CLK3: variants seen among roughly 807,000 people sequenced by gnomAD.
The protein encoded by CLK3 is dual specificity protein kinase CLK3.
In CLK3, 24 loss-of-function variants were observed where a neutral mutation model predicts 65.2. The observed-to-expected ratio is 0.37, with a 90% CI of 0.27 to 0.52. The LOEUF (loss-of-function observed/expected upper bound fraction) is 0.52, where lower values mean the gene tolerates loss of function less well. Among genes scored for constraint, CLK3 ranks in the 20% least tolerant of loss-of-function variants. CLK3 has a pLI of 0.92. For missense variants in CLK3, 506 were observed against 660.0 expected (o/e 0.77, Z 2.56); for synonymous variants, 252 against 240.8 (o/e 1.05, Z -0.43).
At chr15:74,620,405 C>A in intron 3 of CLK3, 180 bp downstream of exon 3, 1 of 840,538 alleles carries the variant, frequency 1.2e-6, no homozygotes, top group Non-Finnish European at 1.8e-6. Flanking sequence ...GGGTCCTGGC[C>A]TCTGTGTCTT....
upstream of CLK3, chr15:74,615,440 G>A (rs773293878): frequency 3.8e-5 from 49 of 1,274,402 alleles, no homozygotes; most frequent in Non-Finnish European, 4.1e-5. Flanking sequence ...CGCGCTCTCC[G>A]GGGCCCCGAG....
In CLK3 at chr15:74,624,713, A is replaced by G. The variant is rs2141547772; in HGVS notation, c.534-189A>G. Reference sequence around the variant, plus strand: ...CTAAGAGCATTAACTCACAGATCTCAGGGAGCTTGCTGTTGGGTGGGCAAA... The same window carrying G: ...CTAAGAGCATTAACTCACAGATCTCGGGGAGCTTGCTGTTGGGTGGGCAAA... On this transcript the variant is annotated intron_variant, in intron 5 of 12. Coordinates refer to ENST00000395066, the MANE Select transcript of CLK3 (RefSeq NM_001130028.2). This position sits in a 1 kb window ranked among gnomAD's most constrained non-coding sequence, Gnocchi z 4.2. 13 of 605,998 alleles carry G rather than the reference A, an allele frequency of 2.1e-5. No individual in the cohort carries two copies. In the South Asian group the frequency reaches 2.4e-4, roughly 11 times the overall value. 37.5% of individuals were successfully genotyped at this position (605,998 alleles called of 1,614,324 possible).
chr15:74,613,897 G>A (rs561613939), upstream of CLK3, among the ~76,000 whole-genome samples: 3 of 152,120 alleles, frequency 2.0e-5, no homozygotes, highest in African/African-American at 7.2e-5. Context: ...TGGGTACCAG[G>A]CAGGAATGGC....
chr15:74,612,794 G>A (rs1179922669), upstream of CLK3, among the ~76,000 whole-genome samples: 1 of 152,176 alleles, frequency 6.6e-6, no homozygotes, highest in Non-Finnish European at 1.5e-5. Flanking sequence ...AGGACTGGCC[G>A]CTGCCCCCAC....
rs893347761 is a variant in CLK3 at position 74,622,656 on chromosome 15, C to CT, written c.533+102dup. 26 of 961,372 alleles carry CT rather than the reference C, an allele frequency of 2.7e-5. No homozygotes were observed. Among genetic ancestry groups the CT allele is most frequent in the Non-Finnish European group, 3.8e-5 (25 of 650,648 alleles). The allele number at this position is 961,372 out of a possible 1,614,324, so 59.6% of individuals were successfully genotyped here. A position where few individuals can be genotyped will look rare whatever the true frequency, so the allele number is the denominator to read the frequency against. On this transcript the variant is annotated intron_variant, in intron 5 of 12. Transcript: ENST00000395066. This position sits in a 1 kb window ranked among gnomAD's most constrained non-coding sequence, Gnocchi z 4.6. ...GAGGGTGGCAGCTATCAGAGCTTAA[C>CT]TTTTTTCTTTTTGAAGGGTGGCATC...
intron 1 of CLK3, among the ~76,000 whole-genome samples, chr15:74,617,159 G>A (rs2062067137): frequency 6.6e-6 from 1 of 152,182 alleles, no homozygotes; most frequent in African/African-American, 2.4e-5. Context: ...CTTTTGCCAG[G>A]CTGAGAGATG....
chr15:74,616,236 C>T (rs1942421383), intron 1 of CLK3, among the ~76,000 whole-genome samples: 2 of 152,234 alleles, frequency 1.3e-5, no homozygotes, highest in Admixed American at 6.5e-5. Context: ...CCTCCCCTAC[C>T]CCTGGCTTCA....
At position 74,620,047 on chromosome 15, in the gene CLK3, G is replaced by A. The variant is rs146399462; in HGVS notation, c.191G>A (p.Arg64His). ...RLPYQRRYRE[R>H]RDSDTYRCEE... ...CCCTACCAGAGGAGGTACCGGGAGC[G>A]CCGTGACAGCGATACATACCGGTGT... Residue 64 changes from arginine to histidine, a missense_variant, in exon 3 of 13, where the codon CGC (arginine) becomes CAC (histidine). Coordinates refer to ENST00000395066, the MANE Select transcript of CLK3 (RefSeq NM_001130028.2). 1.1e-4 allele frequency: 172 copies of A among 1,614,150 alleles called. 1 individual carries two copies. In the African/African-American group the frequency reaches 2.0e-3, roughly 19 times the overall value.
intron 1 of CLK3, among the ~76,000 whole-genome samples, chr15:74,616,874 C>T (rs1384435264): frequency 6.6e-6 from 1 of 152,232 alleles, no homozygotes; most frequent in Non-Finnish European, 1.5e-5. Context: ...AAGTTGACAT[C>T]CTTGGCTTGG....
intron 1 of CLK3, among the ~76,000 whole-genome samples, chr15:74,609,332 C>T (rs777603846): frequency 2.0e-5 from 3 of 152,242 alleles, no homozygotes; most frequent in South Asian, 2.1e-4. Flanking sequence ...CAGTGCCTGG[C>T]TGCACACTAG....
At chr15:74,610,928 C>T (rs1340053079), upstream of CLK3, among the ~76,000 whole-genome samples, 1 of 152,232 alleles carries the variant, frequency 6.6e-6, no homozygotes, top group African/African-American at 2.4e-5. Context: ...GGCAGAGATC[C>T]TGGTAACCTT....
intron 7 of CLK3, chr15:74,626,956 T>C (rs1349768326): frequency 4.4e-6 from 2 of 457,718 alleles, no homozygotes; most frequent in East Asian, 1.4e-4. Context: ...CTTAGTAACT[T>C]GAACAGGGGA....
chr15:74,620,268 C>A (rs377701238), intron 3 of CLK3, 43 bp downstream of exon 3: 54 of 1,609,402 alleles, frequency 3.4e-5, no homozygotes, highest in Non-Finnish European at 4.5e-5. Context: ...TTAAAGGCCT[C>A]ATCTCTTCCT....
chr15:74,629,484 A>T, intron 12 of CLK3: 1 of 581,850 alleles, frequency 1.7e-6, no homozygotes, highest in Non-Finnish European at 3.1e-6. Flanking sequence ...AGAGGCATCA[A>T]CCCAGCAAGA....
In CLK3 at chr15:74,615,846, G is replaced by C; in HGVS notation, c.-53G>C. ...GCGGAGGTCGCAGCCGGAAGCGGAAGAGGCGCTCGGAGCGGGGAGTGGGGC... is the reference window on the plus strand; with the variant it reads ...GCGGAGGTCGCAGCCGGAAGCGGAACAGGCGCTCGGAGCGGGGAGTGGGGC... On this transcript the variant is annotated 5_prime_UTR_variant, in exon 1 of 13. Coordinates refer to ENST00000395066, the MANE Select transcript of CLK3 (RefSeq NM_001130028.2). The C allele has an allele frequency of 1.6e-6, 2 of 1,253,138 alleles. No homozygotes were observed. Among genetic ancestry groups the C allele is most frequent in the Non-Finnish European group, 2.0e-6 (2 of 998,634 alleles). The allele number at this position is 1,253,138 out of a possible 1,614,324, so 77.6% of individuals were successfully genotyped here. A position where few individuals can be genotyped will look rare whatever the true frequency, so the allele number is the denominator to read the frequency against.
intron 1 of CLK3, among the ~76,000 whole-genome samples, chr15:74,617,431 G>A (rs2062069346): frequency 6.6e-6 from 1 of 152,204 alleles, no homozygotes; most frequent in Non-Finnish European, 1.5e-5. Flanking sequence ...TCACTTATAG[G>A]AGAGAGATAT....
intron 12 of CLK3, 44 bp downstream of exon 12, chr15:74,629,076 A>G (rs762011642): frequency 7.1e-7 from 1 of 1,400,354 alleles, no homozygotes; most frequent in South Asian, 1.2e-5. Context: ...CCAAGGAGAG[A>G]CCCCAGGCAC....
chr15:74,618,791 T>G (rs1047966835), intron 1 of CLK3, among the ~76,000 whole-genome samples: 10 of 152,234 alleles, frequency 6.6e-5, no homozygotes, highest in Non-Finnish European at 1.5e-4. Context: ...TACAGAGCAT[T>G]CACTTCACGG....
At chr15:74,628,910 C>A (rs751619615) in intron 11 of CLK3, 32 bp from the exon 12 acceptor site, 30 of 1,500,040 alleles carry the variant, frequency 2.0e-5, no homozygotes, top group East Asian at 1.8e-4. Flanking sequence ...CCTTACTACT[C>A]CCACACTTGA....
Sources: allele counts gnomAD v4.1 joint callset (sites outside exome capture counted in the v4.1 genomes callset), GRCh38; gene constraint gnomAD v4.1.1; non-coding constraint Gnocchi (gnomAD v3.1); transcripts MANE v1.5; gene names NCBI Gene and HGNC (gene_info 2026-07-23, HGNC 2026-07-21).